The following GARNL3 variants were observed in gnomAD, a reference collection of about 807,000 sequenced individuals.
The protein encoded by GARNL3 is GTPase-activating Rap/Ran-GAP domain-like protein 3.
In GARNL3, 63 loss-of-function variants were observed where a neutral mutation model predicts 125.0. That is an observed-to-expected ratio of 0.50 (90% CI 0.41 to 0.62). GARNL3 has a LOEUF of 0.62. Ranked by LOEUF, GARNL3 falls within the 20% of genes least tolerant of loss-of-function variation. The pLI is 0.00. For missense variants in GARNL3, 994 were observed against 1,244.0 expected, an observed-to-expected ratio of 0.80 and a Z score of 3.02; for synonymous variants, 439 against 457.5, an observed-to-expected ratio of 0.96 and a Z score of 0.52.
intron 1 of GARNL3, among the ~76,000 whole-genome samples, chr9:127,278,031 T>C (rs867407376): frequency 3.9e-5 from 6 of 152,216 alleles, no homozygotes; most frequent in Admixed American, 2.0e-4. Context: ...AAAATCTCTC[T>C]AATAAATTCT....
At chr9:127,356,118 A>G (rs1830676177) in intron 20 of GARNL3, among the ~76,000 whole-genome samples, 1 of 152,216 alleles carries the variant, frequency 6.6e-6, no homozygotes, top group East Asian at 1.9e-4. Context: ...ACTCTGAGTG[A>G]GATGGGAAAC....
chr9:127,288,160 A>C (rs994213257), intron 1 of GARNL3, among the ~76,000 whole-genome samples: 9 of 152,198 alleles, frequency 5.9e-5, no homozygotes, highest in Admixed American at 5.9e-4. Context: ...CATGCAGAGA[A>C]ATGTAAATCA....
intron 2 of GARNL3, among the ~76,000 whole-genome samples, chr9:127,251,453 G>A (rs1297355421): frequency 6.6e-6 from 1 of 152,024 alleles, no homozygotes; most frequent in African/African-American, 2.4e-5. Flanking sequence ...GGTTAGTGAA[G>A]TAAACATTTT....
Position 127,392,997 on chromosome 9 carries a change from C to G in GARNL3, c.2871-86C>G. The G allele has an allele frequency of 1.8e-6, 2 of 1,127,244 alleles. No individual in the cohort carries two copies. The highest frequency in any genetic ancestry group is 1.3e-6 in the Non-Finnish European group (1 of 780,628). 69.8% of individuals were successfully genotyped at this position (1,127,244 alleles called of 1,614,324 possible). On this transcript the variant is annotated intron_variant, in intron 27 of 27. Coordinates refer to ENST00000373387, the MANE Select transcript of GARNL3 (RefSeq NM_032293.5). The surrounding 1 kb of genome is among the most constrained non-coding windows in gnomAD (Gnocchi z 5.2). ...GTTTGGTGAGCCAAACTCATGAGCTCAGATGAGCAGGAAATTGCCAGAAAA... is the reference window on the plus strand; with the variant it reads ...GTTTGGTGAGCCAAACTCATGAGCTGAGATGAGCAGGAAATTGCCAGAAAA...
intron 22 of GARNL3, among the ~76,000 whole-genome samples, chr9:127,380,578 T>C (rs1006765997): frequency 6.6e-6 from 1 of 152,188 alleles, no homozygotes; most frequent in African/African-American, 2.4e-5. Context: ...AAATGTAGGC[T>C]ATTCATACAG....
intron 22 of GARNL3, among the ~76,000 whole-genome samples, chr9:127,366,455 ACTGC>A (rs1831292855): frequency 6.6e-6 from 1 of 152,188 alleles, no homozygotes; most frequent in Non-Finnish European, 1.5e-5. Flanking sequence ...GGGCCAGGCC[ACTGC>A]CACTCCTGCT....
At position 127,392,078 on chromosome 9, in the gene GARNL3, A is replaced by G. The variant is rs1057203354; in HGVS notation, c.2871-1005A>G. 3.9e-5 allele frequency among the ~76,000 whole-genome samples: 6 copies of G among 152,198 alleles called. No individual in the cohort carries two copies. The highest frequency in any genetic ancestry group is 1.4e-4 in the African/African-American group (6 of 41,462). The stretch of plus-strand genomic sequence containing the variant: ...CAACAAGCGTCCAGAAAATGACTGC[A>G]TTCCAGCATGGCAGGTGATGTGTAA... On this transcript the variant is annotated intron_variant, in intron 27 of 27. Transcript: ENST00000373387. The surrounding 1 kb of genome is among the most constrained non-coding windows in gnomAD (Gnocchi z 5.2).
intron 1 of GARNL3, among the ~76,000 whole-genome samples, chr9:127,230,293 CTAAT>C (rs2062978509): frequency 6.6e-6 from 1 of 152,274 alleles, no homozygotes; most frequent in Non-Finnish European, 1.5e-5. Context: ...TTTAAATGAA[CTAAT>C]TAATGCAAAG....
chr9:127,285,556 T>C (rs1190423535), intron 1 of GARNL3, among the ~76,000 whole-genome samples: 3 of 152,260 alleles, frequency 2.0e-5, no homozygotes, highest in Non-Finnish European at 4.4e-5. Context: ...TTGATTCCGC[T>C]ATAAATCCAT....
At chr9:127,269,787 T>C (rs896801993) in intron 1 of GARNL3, among the ~76,000 whole-genome samples, 1 of 20,938 alleles carries the variant, frequency 4.8e-5, no homozygotes, top group African/African-American at 8.6e-5. Context: ...GTTTTTTGTG[T>C]TTTTTTTTTT....
intron 19 of GARNL3, 47 bp from the exon 20 acceptor site, chr9:127,355,250 C>T (rs757495090): frequency 1.9e-6 from 3 of 1,558,628 alleles, no homozygotes; most frequent in African/African-American, 1.4e-5. Context: ...CTGGGGGCTT[C>T]CACACCCGCA....
intron 17 of GARNL3, among the ~76,000 whole-genome samples, 175 bp downstream of exon 17, chr9:127,349,210 T>A (rs537705432): frequency 1.3e-5 from 2 of 152,174 alleles, no homozygotes; most frequent in Admixed American, 1.3e-4. Context: ...GCAGAGGAAA[T>A]ATACTCTGAA....
Position 127,313,480 on chromosome 9 carries a change from C to T in GARNL3, c.359C>T (p.Pro120Leu). The T allele has an allele frequency of 6.2e-7, 1 of 1,613,994 alleles. No individual in the cohort carries two copies. The highest frequency in any genetic ancestry group is 8.5e-7 in the Non-Finnish European group (1 of 1,179,872). The change falls in exon 4 of 28, where the codon CCT becomes CTT. Residue 120 changes from proline (P) to leucine (L), a missense_variant. Coordinates refer to ENST00000373387, the MANE Select transcript of GARNL3 (RefSeq NM_032293.5). ...ATTGGAAACGATGCCGAGAAGAGCC[C>T]TTTCTTCTTGTCCGTGACCCTTTCT... ...NYIGNDAEKSPFFLSVTLSDQ... is the reference protein window; with the variant it reads ...NYIGNDAEKSLFFLSVTLSDQ...
At chr9:127,339,033 C>T (rs1005549258) in intron 12 of GARNL3, among the ~76,000 whole-genome samples, 1 of 152,070 alleles carries the variant, frequency 6.6e-6, no homozygotes, top group Non-Finnish European at 1.5e-5. Flanking sequence ...CGTGGTGGCT[C>T]ATGCCTGTAA....
intron 26 of GARNL3, among the ~76,000 whole-genome samples, chr9:127,390,209 A>G (rs1159518467): frequency 6.6e-6 from 1 of 152,204 alleles, no homozygotes; most frequent in Non-Finnish European, 1.5e-5. Context: ...CTAGACACTA[A>G]CAAAGTCCAT....
Position 127,292,688 on chromosome 9 carries a change from A to G in GARNL3, c.219+1446A>G, listed in dbSNP as rs188151986. 6.7e-3 allele frequency among the ~76,000 whole-genome samples: 1,025 copies of G among 152,326 alleles called. 40 individuals carry two copies. The highest frequency in any genetic ancestry group is 9.2e-3 in the Non-Finnish European group (628 of 68,016). On this transcript the variant is annotated intron_variant, in intron 2 of 27. Coordinates refer to ENST00000373387, the MANE Select transcript of GARNL3 (RefSeq NM_032293.5). Reference sequence around the variant, plus strand: ...TACACACCTCCCAGGAAAGACATCAATGGGGCCTTCATGTGATCCTTAATC... The same window carrying G: ...TACACACCTCCCAGGAAAGACATCAGTGGGGCCTTCATGTGATCCTTAATC...
rs1832731424 is a variant in GARNL3 at position 127,389,830 on chromosome 9, A to C, written c.2743+711A>C. ...CAGCTACTCAAGAAGCTGAGGCAAG[A>C]GAATCGATTGAGTCCGGGAGGTCAA... On this transcript the variant is annotated intron_variant, in intron 26 of 27. Coordinates refer to ENST00000373387, the MANE Select transcript of GARNL3 (RefSeq NM_032293.5). Among the ~76,000 whole-genome samples, 5 of 150,670 alleles carry C rather than the reference A, an allele frequency of 3.3e-5. No homozygotes were observed. In the South Asian group the frequency reaches 1.1e-3, roughly 32 times the overall value.
chr9:127,355,696 C>T (rs572217942), intron 20 of GARNL3, among the ~76,000 whole-genome samples: 4 of 152,276 alleles, frequency 2.6e-5, no homozygotes, highest in Admixed American at 6.5e-5. Context: ...AAGGACACAG[C>T]GATGACCAAA....
At chr9:127,321,770 A>G (rs1485037897) in intron 6 of GARNL3, among the ~76,000 whole-genome samples, 2 of 152,196 alleles carry the variant, frequency 1.3e-5, no homozygotes, top group African/African-American at 4.8e-5. Flanking sequence ...GTGACAAGAG[A>G]GGAGGCTGGA....
Sources: gnomAD v4.1 joint callset for allele counts (sites outside exome capture counted in the v4.1 genomes callset) on GRCh38, gnomAD v4.1.1 for gene constraint, Gnocchi (gnomAD v3.1) non-coding constraint, MANE v1.5 for transcripts, NCBI Gene and HGNC (gene_info 2026-07-23, HGNC 2026-07-21) for gene names.